IL1RAPL1: variants seen among roughly 807,000 people sequenced by gnomAD.
The protein encoded by IL1RAPL1 is interleukin-1 receptor accessory protein-like 1.
In IL1RAPL1, 3 loss-of-function variants were observed where a neutral mutation model predicts 48.4. The observed-to-expected ratio is 0.06, with a 90% confidence interval of 0.03 to 0.16. The LOEUF (loss-of-function observed/expected upper bound fraction) is 0.16, where lower values mean the gene tolerates loss of function less well. Among genes scored for constraint, IL1RAPL1 ranks in the 10% least tolerant of loss-of-function variants. The pLI is 1.00. For synonymous variants in IL1RAPL1, 185 were observed against 187.7 expected, an observed-to-expected ratio of 0.99 and a Z score of 0.12; for missense variants, 349 against 530.6, an observed-to-expected ratio of 0.66 and a Z score of 3.36.
At position 29,424,852 on chromosome X, in the gene IL1RAPL1, A is replaced by C. The variant is rs1934332005; in HGVS notation, c.703+25544A>C. ...GCTGGGATGTTGACATTATGAAGGA[A>C]CGCACTAATAAATGGTGATGGTTAC... On this transcript the variant is annotated intron_variant, in intron 5 of 10. Transcript: ENST00000378993. Among the ~76,000 whole-genome samples the C allele has an allele frequency of 3.6e-5, 4 of 111,831 alleles. No homozygotes were observed. The South Asian group carries it at 1.5e-3, about 42-fold the overall frequency.
At chrX:28,821,265 T>C (rs1395173767) in intron 2 of IL1RAPL1, among the ~76,000 whole-genome samples, 2 of 111,155 alleles carry the variant, frequency 1.8e-5, no homozygotes, top group Non-Finnish European at 3.8e-5. Flanking sequence ...TGATAGTTCT[T>C]CTTGTTTGTG....
intron 5 of IL1RAPL1, among the ~76,000 whole-genome samples, chrX:29,654,961 A>G (rs1046684568): frequency 1.8e-5 from 2 of 111,997 alleles, no homozygotes; most frequent in Non-Finnish European, 3.8e-5. Context: ...AGTGGAGGCC[A>G]TGCTTATTAA....
At chrX:29,582,461 T>C (rs1476226494) in intron 5 of IL1RAPL1, among the ~76,000 whole-genome samples, 1 of 96,881 alleles carries the variant, frequency 1.0e-5, no homozygotes, top group Non-Finnish European at 2.1e-5. Flanking sequence ...GTTACATATG[T>C]ATACATGTGC....
intron 3 of IL1RAPL1, among the ~76,000 whole-genome samples, chrX:29,359,557 G>A (rs192557859): frequency 1.3e-4 from 15 of 111,827 alleles, no homozygotes; most frequent in Non-Finnish European, 2.1e-4. Flanking sequence ...CCTCTGAAAT[G>A]TGTTATTTAC....
At chrX:28,741,569 T>A (rs1474515720) in intron 1 of IL1RAPL1, among the ~76,000 whole-genome samples, 3 of 111,971 alleles carry the variant, frequency 2.7e-5, no homozygotes, top group Non-Finnish European at 3.8e-5. Flanking sequence ...GTGCAAATAT[T>A]TTAGATGGAC....
chrX:29,245,091 C>T (rs368817099), intron 2 of IL1RAPL1, among the ~76,000 whole-genome samples: 24 of 111,121 alleles, frequency 2.2e-4, no homozygotes, highest in African/African-American at 7.2e-4. Context: ...CATGTCCCTG[C>T]GAAGGACATG....
intron 6 of IL1RAPL1, among the ~76,000 whole-genome samples, chrX:29,908,488 A>AGGGTATTTTT (rs1406386134): frequency 1.8e-5 from 2 of 109,994 alleles, no homozygotes; most frequent in African/African-American, 6.6e-5. Context: ...GAGTTTCTTA[A>AGGGTATTTTT]GGGTATTTTT....
intron 5 of IL1RAPL1, among the ~76,000 whole-genome samples, chrX:29,521,135 T>C (rs1018229144): frequency 4.4e-5 from 5 of 112,831 alleles, no homozygotes; most frequent in Non-Finnish European, 9.4e-5. Context: ...TAGATTCATT[T>C]GAAAATATTT....
chrX:28,724,755 A>C (rs1292921397), intron 1 of IL1RAPL1, among the ~76,000 whole-genome samples: 2 of 110,800 alleles, frequency 1.8e-5, no homozygotes, highest in Non-Finnish European at 3.8e-5. Context: ...TTCCATGTTT[A>C]GTGCTTCCTT....
intron 1 of IL1RAPL1, among the ~76,000 whole-genome samples, chrX:28,621,879 AAC>A (rs1204547325): frequency 9.0e-6 from 1 of 111,661 alleles, no homozygotes; most frequent in African/African-American, 3.3e-5. Context: ...GTATACTGAA[AAC>A]ACAGCATCAG....
intron 2 of IL1RAPL1, among the ~76,000 whole-genome samples, chrX:29,028,186 G>T (rs146592156): frequency 9.1e-6 from 1 of 109,390 alleles, no homozygotes; most frequent in African/African-American, 3.3e-5. Flanking sequence ...ACAATAGATC[G>T]CTTGGACTTA....
At chrX:29,349,406 G>C (rs1262810081) in intron 3 of IL1RAPL1, among the ~76,000 whole-genome samples, 1 of 111,782 alleles carries the variant, frequency 8.9e-6, no homozygotes, top group East Asian at 2.8e-4. Context: ...GTGGCTTTGG[G>C]ACAAAAGGAG....
At chrX:29,301,595 C>G (rs1471829797) in intron 3 of IL1RAPL1, among the ~76,000 whole-genome samples, 1 of 111,709 alleles carries the variant, frequency 9.0e-6, no homozygotes, top group African/African-American at 3.3e-5. Flanking sequence ...TGTAATTCAA[C>G]TGAAATGTTA....
intron 3 of IL1RAPL1, among the ~76,000 whole-genome samples, chrX:29,381,833 A>AATAT (rs35091339): frequency 0.038 from 942 of 25,028 alleles, 14 homozygotes; most frequent in African/African-American, 0.058. Flanking sequence ...AAAAAAAAAA[A>AATAT]ATATATATAT....
intron 1 of IL1RAPL1, among the ~76,000 whole-genome samples, chrX:28,657,630 G>A (rs1012878388): frequency 8.9e-6 from 1 of 112,510 alleles, no homozygotes; most frequent in African/African-American, 3.2e-5. Context: ...GCTTTTACAT[G>A]TGGGCTGTCT....
chrX:28,996,620 T>TTGTGTGTGTGTGTG (rs59015501), intron 2 of IL1RAPL1, among the ~76,000 whole-genome samples: 167 of 108,386 alleles, frequency 1.5e-3, no homozygotes, highest in African/African-American at 5.4e-3. Flanking sequence ...AATTGTTATT[T>TTGTGTGTGTGTGTG]TGTGTGTGTG....
intron 5 of IL1RAPL1, among the ~76,000 whole-genome samples, chrX:29,540,861 A>G (rs939002582): frequency 8.9e-6 from 1 of 112,238 alleles, no homozygotes; most frequent in Non-Finnish European, 1.9e-5. Context: ...CATTCTGGAC[A>G]TTGGCCTTGG....
intron 1 of IL1RAPL1, among the ~76,000 whole-genome samples, chrX:28,751,376 A>G (rs887931669): frequency 8.9e-6 from 1 of 111,950 alleles, no homozygotes; most frequent in East Asian, 2.8e-4. Context: ...CCAAACTTGT[A>G]TAGTAATTAA....
intron 2 of IL1RAPL1, among the ~76,000 whole-genome samples, chrX:28,895,610 TA>T (rs748627833): frequency 6.5e-4 from 72 of 110,923 alleles, no homozygotes; most frequent in African/African-American, 2.3e-3. Context: ...AAAGAGTGTT[TA>T]AAAGAATGTT....
Sources: gnomAD v4.1 joint callset for allele counts (sites outside exome capture counted in the v4.1 genomes callset) on GRCh38, gnomAD v4.1.1 for gene constraint, MANE v1.5 for transcripts, NCBI Gene and HGNC (gene_info 2026-07-23, HGNC 2026-07-21) for gene names.